The following FHOD3 variants were observed in gnomAD, a reference collection of about 807,000 sequenced individuals.
The protein encoded by FHOD3 is formin homology 2 domain containing 3, also known as FH1/FH2 domain-containing protein 3.
In FHOD3, 90 loss-of-function variants were observed where a neutral mutation model predicts 173.0. That is an observed-to-expected ratio of 0.52 (90% CI 0.44 to 0.62). FHOD3 has a LOEUF of 0.62. Among genes scored for constraint, FHOD3 ranks in the 20% least tolerant of loss-of-function variants. The pLI is 0.00. For synonymous variants in FHOD3, 828 were observed against 823.0 expected (o/e 1.01, Z -0.10); for missense variants, 1,945 against 2,034.7 (o/e 0.96, Z 0.85).
intron 28 of FHOD3, among the ~76,000 whole-genome samples, chr18:36,775,101 C>T (rs1157655270): frequency 6.6e-6 from 1 of 152,150 alleles, no homozygotes; most frequent in African/African-American, 2.4e-5. Context: ...GACCTCCCAG[C>T]CACAAGACAT....
intron 14 of FHOD3, among the ~76,000 whole-genome samples, chr18:36,668,804 G>A (rs1325605666): frequency 1.3e-5 from 2 of 151,872 alleles, no homozygotes; most frequent in East Asian, 3.8e-4. Flanking sequence ...CTATCTTTCT[G>A]TTACTGATTT....
chr18:36,777,619 C>T (rs1315137896), intron 28 of FHOD3: 1 of 152,196 alleles, frequency 6.6e-6, no homozygotes, highest in African/African-American at 2.4e-5. Flanking sequence ...AACAAACACT[C>T]TAAGGAGTCT....
At position 36,414,409 on chromosome 18, in the gene FHOD3, G is replaced by A. The variant is rs1407596226; in HGVS notation, c.337+41665G>A. On this transcript the variant is annotated intron_variant, in intron 3 of 28. Transcript: ENST00000590592. Reference sequence around the variant, plus strand: ...TACTGCTTCGTCCAGAGTGCATAAAGGACACGTAAGGGTGGAGTGTGCATT... The same window carrying A: ...TACTGCTTCGTCCAGAGTGCATAAAAGACACGTAAGGGTGGAGTGTGCATT... Among the ~76,000 whole-genome samples the A allele has an allele frequency of 2.6e-5, 4 of 152,218 alleles. No individual in the cohort carries two copies. In the East Asian group the frequency reaches 7.7e-4, roughly 29 times the overall value.
intron 9 of FHOD3, among the ~76,000 whole-genome samples, chr18:36,617,583 CTGTGTGTGTGTGTGTGTG>C (rs763613681): frequency 8.6e-6 from 1 of 116,244 alleles, no homozygotes; most frequent in Non-Finnish European, 2.1e-5. Context: ...TTGTACTTCC[CTGTGTGTGTGTGTGTGTG>C]TGTGTGTGTG....
chr18:36,598,554 T>TA (rs1358620599), intron 7 of FHOD3, among the ~76,000 whole-genome samples: 1 of 141,992 alleles, frequency 7.0e-6, no homozygotes, highest in Non-Finnish European at 1.6e-5. Flanking sequence ...AATTTGTTTT[T>TA]AAATTTTTTT....
At chr18:36,714,563 A>G (rs931128054) in intron 18 of FHOD3, among the ~76,000 whole-genome samples, 1 of 152,150 alleles carries the variant, frequency 6.6e-6, no homozygotes, top group African/African-American at 2.4e-5. Context: ...ACCTGATTAT[A>G]TTATTTTCCC....
At chr18:36,322,948 G>A (rs561339913) in intron 1 of FHOD3, among the ~76,000 whole-genome samples, 1 of 152,304 alleles carries the variant, frequency 6.6e-6, no homozygotes, top group South Asian at 2.1e-4. Flanking sequence ...CAGGCTGGAG[G>A]GTAACCCTCA....
chr18:36,501,445 G>A (rs2055026795), intron 3 of FHOD3, among the ~76,000 whole-genome samples: 1 of 152,224 alleles, frequency 6.6e-6, no homozygotes, highest in African/African-American at 2.4e-5. Flanking sequence ...CAGAAAGCAT[G>A]GGGGTGCAGG....
chr18:36,609,386 T>A (rs1172480494), intron 8 of FHOD3, among the ~76,000 whole-genome samples: 2 of 151,682 alleles, frequency 1.3e-5, no homozygotes, highest in African/African-American at 2.4e-5. Flanking sequence ...ATGAATTTTT[T>A]AAAAGATGTA....
intron 3 of FHOD3, among the ~76,000 whole-genome samples, chr18:36,380,138 G>A (rs1402641555): frequency 6.6e-6 from 1 of 152,120 alleles, no homozygotes; most frequent in East Asian, 1.9e-4. Flanking sequence ...TTTTAAAGGA[G>A]GAAAGAAAGG....
At chr18:36,351,441 AC>A (rs2046124103) in intron 1 of FHOD3, among the ~76,000 whole-genome samples, 1 of 152,090 alleles carries the variant, frequency 6.6e-6, no homozygotes, top group Non-Finnish European at 1.5e-5. Context: ...ATGAACGTCC[AC>A]CCATTTTGAC....
intron 3 of FHOD3, among the ~76,000 whole-genome samples, chr18:36,392,053 G>A (rs2048327152): frequency 6.6e-6 from 1 of 152,220 alleles, no homozygotes; most frequent in South Asian, 2.1e-4. Flanking sequence ...GGACCCTGGT[G>A]TAGCGGGGTG....
At chr18:36,651,062 C>A (rs1600087334) in intron 11 of FHOD3, among the ~76,000 whole-genome samples, 1 of 152,152 alleles carries the variant, frequency 6.6e-6, no homozygotes, top group East Asian at 1.9e-4. Flanking sequence ...ACTTCTGAGA[C>A]CGTAAAGGAT....
intron 3 of FHOD3, among the ~76,000 whole-genome samples, chr18:36,395,683 G>A (rs2048523809): frequency 3.3e-5 from 5 of 152,064 alleles, no homozygotes; most frequent in Admixed American, 3.3e-4. Context: ...TGTGAGTCTG[G>A]CTGTTACTAA....
In FHOD3 at chr18:36,419,871, C is replaced by A. The variant is rs78878500; in HGVS notation, c.337+47127C>A. ...AAGAGTAGATCCTTGAGTCAGGGAG[C>A]TAGCCTGCTGAGGAGCGCTAGCTCT... On this transcript the variant is annotated intron_variant, in intron 3 of 28. Transcript: ENST00000590592. Among the ~76,000 whole-genome samples the A allele has an allele frequency of 5.6e-3, 853 of 152,326 alleles. 6 individuals carry two copies. The highest frequency in any genetic ancestry group is 0.02 in the African/African-American group (825 of 41,582).
At chr18:36,499,656 G>A (rs528440880) in intron 3 of FHOD3, among the ~76,000 whole-genome samples, 8 of 152,284 alleles carry the variant, frequency 5.3e-5, no homozygotes, top group African/African-American at 1.7e-4. Context: ...TACTCCAGGC[G>A]TGATGCAGTA....
chr18:36,712,063 G>T (rs1022666779), intron 18 of FHOD3, among the ~76,000 whole-genome samples: 28 of 152,306 alleles, frequency 1.8e-4, no homozygotes, highest in African/African-American at 6.3e-4. Context: ...CAGCGCTCTT[G>T]CTGGGGTGGT....
intron 24 of FHOD3, among the ~76,000 whole-genome samples, chr18:36,752,953 A>G (rs764051228): frequency 6.6e-6 from 1 of 152,170 alleles, no homozygotes. Context: ...ATATCATATC[A>G]TATATCTAAT....
At chr18:36,357,087 C>T (rs2046395728) in intron 2 of FHOD3, among the ~76,000 whole-genome samples, 1 of 152,122 alleles carries the variant, frequency 6.6e-6, no homozygotes, top group Non-Finnish European at 1.5e-5. Context: ...CCACTTTGCC[C>T]GAGTTAAAAA....
Sources: allele counts gnomAD v4.1 joint callset (sites outside exome capture counted in the v4.1 genomes callset), GRCh38; gene constraint gnomAD v4.1.1; transcripts MANE v1.5; gene names NCBI Gene and HGNC (gene_info 2026-07-23, HGNC 2026-07-21).